Variants in STOX2 observed in about 807,000 individuals in gnomAD.
The protein encoded by STOX2 is storkhead-box protein 2.
STOX2 carries 28 observed loss-of-function variants against 60.9 expected under a neutral mutation model. The observed-to-expected ratio is 0.46, with a 90% CI of 0.34 to 0.63. STOX2 has a LOEUF of 0.63. Ranked by LOEUF, STOX2 falls within the 30% of genes least tolerant of loss-of-function variation. The pLI is 0.01. For missense variants in STOX2, 1,024 were observed against 1,187.7 expected (o/e 0.86, Z 2.03); for synonymous variants, 472 against 463.9 (o/e 1.02, Z -0.22).
intron 1 of STOX2, among the ~76,000 whole-genome samples, chr4:183,918,188 CATT>C (rs1741985521): frequency 6.6e-6 from 1 of 152,148 alleles, no homozygotes; most frequent in Admixed American, 6.5e-5. Context: ...ATTTGGTACT[CATT>C]TATCAGAAAT....
intron 1 of STOX2, among the ~76,000 whole-genome samples, chr4:183,951,111 GAGGCTGAGGC>G (rs1743066693): frequency 6.6e-6 from 1 of 151,114 alleles, no homozygotes; most frequent in African/African-American, 2.4e-5. Context: ...AGCTACTCGG[GAGGCTGAGGC>G]AGGAGAATGG....
At chr4:183,981,819 G>T (rs897573215) in intron 1 of STOX2, among the ~76,000 whole-genome samples, 3 of 152,104 alleles carry the variant, frequency 2.0e-5, no homozygotes, top group Non-Finnish European at 4.4e-5. Context: ...GTCTGTAATC[G>T]CAGCACTTTG....
In STOX2 at chr4:183,856,907, G is replaced by T. The variant is rs146551607; in HGVS notation, c.364+58852G>T. 7.2e-3 allele frequency among the ~76,000 whole-genome samples: 1,094 copies of T among 152,262 alleles called. 11 individuals carry two copies. Among genetic ancestry groups the T allele is most frequent in the African/African-American group, 0.025 (1,043 of 41,540 alleles). ...TTACTTTGGAAAGTCCTGGAGATTT[G>T]GTCTGTGGCATCTGACTGAGGAGAG... On this transcript the variant is annotated intron_variant, in intron 1 of 2. Coordinates refer to the STOX2 transcript ENST00000513034. The surrounding 1 kb of genome is among the most constrained non-coding windows in gnomAD (Gnocchi z 4.0).
chr4:183,865,538 G>T lies in STOX2; in HGVS notation c.364+67483G>T, dbSNP rs1267351132. Among the ~76,000 whole-genome samples, 3 of 152,176 alleles carry T rather than the reference G, an allele frequency of 2.0e-5. No homozygotes were observed. Among genetic ancestry groups the T allele is most frequent in the African/African-American group, 7.2e-5 (3 of 41,440 alleles). On this transcript the variant is annotated intron_variant, in intron 1 of 2. Transcript: ENST00000513034. The surrounding 1 kb of genome is among the most constrained non-coding windows in gnomAD (Gnocchi z 4.1). The stretch of plus-strand genomic sequence containing the variant: ...ATAATACAATTTAATAAAAGACCTT[G>T]TTAGTAGTATCAAAAAGCATTATAG...
intron 1 of STOX2, among the ~76,000 whole-genome samples, chr4:183,835,288 A>G (rs1254258335): frequency 2.7e-5 from 4 of 149,958 alleles, no homozygotes; most frequent in Non-Finnish European, 5.9e-5. Flanking sequence ...GCAGTGGCGC[A>G]ATCTCAGTGC....
intron 1 of STOX2, among the ~76,000 whole-genome samples, chr4:183,857,587 A>G (rs1372780399): frequency 2.0e-5 from 3 of 152,126 alleles, no homozygotes; most frequent in African/African-American, 7.2e-5. Context: ...ACATAACTTA[A>G]AAGATGTTCT....
chr4:183,840,591 T>A (rs1430548867), intron 1 of STOX2, among the ~76,000 whole-genome samples: 1 of 152,240 alleles, frequency 6.6e-6, no homozygotes, highest in Non-Finnish European at 1.5e-5. Flanking sequence ...TGCTGTATTT[T>A]GACTGCATAA....
intron 3 of STOX2, among the ~76,000 whole-genome samples, chr4:184,012,778 C>G (rs911262446): frequency 6.6e-6 from 1 of 152,086 alleles, no homozygotes; most frequent in Non-Finnish European, 1.5e-5. Flanking sequence ...TGGGCCTCAG[C>G]CTGAAAACCA....
Position 183,811,488 on chromosome 4 carries a change from T to C in STOX2, c.364+13433T>C, listed in dbSNP as rs560063060. ...TGTTCCTTTGGGTGACAAGTTTTGG[T>C]TTTTGTCACATGCTTCTCCTGTTTT... On this transcript the variant is annotated intron_variant, in intron 1 of 2. Coordinates refer to the STOX2 transcript ENST00000513034. Among the ~76,000 whole-genome samples, 10 of 152,340 alleles carry C rather than the reference T, an allele frequency of 6.6e-5. No homozygotes were observed. In the South Asian group the frequency reaches 1.5e-3, roughly 22 times the overall value.
intron 1 of STOX2, among the ~76,000 whole-genome samples, chr4:183,871,281 C>T (rs1048193289): frequency 7.9e-5 from 12 of 152,198 alleles, no homozygotes; most frequent in Admixed American, 6.5e-4. Context: ...TCCTTGGCCG[C>T]CCTTCAGAAG....
chr4:183,868,663 AATTTAG>A (rs532643853), intron 1 of STOX2, among the ~76,000 whole-genome samples: 3 of 152,164 alleles, frequency 2.0e-5, no homozygotes, highest in Non-Finnish European at 4.4e-5. Context: ...CGGCTGGAAA[AATTTAG>A]ATGCTCAGTT....
intron 1 of STOX2, among the ~76,000 whole-genome samples, chr4:183,890,373 C>T (rs1198997422): frequency 6.6e-6 from 1 of 151,886 alleles, no homozygotes; most frequent in Non-Finnish European, 1.5e-5. Context: ...GTCCCAGCTA[C>T]CCTGGAGGCC....
intron 1 of STOX2, chr4:183,798,778 C>T: frequency 1.0e-6 from 1 of 985,436 alleles, no homozygotes; most frequent in Non-Finnish European, 1.2e-6. Context: ...AAGGTCGCCG[C>T]CGCGTTTCCA....
chr4:183,854,614 A>G (rs1740242420), intron 1 of STOX2, among the ~76,000 whole-genome samples: 1 of 152,230 alleles, frequency 6.6e-6, no homozygotes, highest in Admixed American at 6.5e-5. Flanking sequence ...TTTACCTAAA[A>G]TGTTTACATA....
rs998326425 is a variant in STOX2 at position 183,906,629 on chromosome 4, A to G, written c.-162A>G. On this transcript the variant is annotated 5_prime_UTR_variant, in exon 1 of 4. Transcript: ENST00000308497. ...CGTGGGGGTGTGGGGGGGCGTGGGG[A>G]GGGCCGGACCCGCCGCTGGCGGTGT... 1 of 690,340 alleles carries G rather than the reference A, an allele frequency of 1.4e-6. No homozygotes were observed. Among genetic ancestry groups the G allele is most frequent in the Non-Finnish European group, 2.3e-6 (1 of 432,098 alleles). 42.8% of individuals were successfully genotyped at this position (690,340 alleles called of 1,614,324 possible). A position where few individuals can be genotyped will look rare whatever the true frequency, so the allele number is the denominator to read the frequency against.
intron 2 of STOX2, among the ~76,000 whole-genome samples, chr4:184,002,755 G>A (rs1733648786): frequency 6.6e-6 from 1 of 152,194 alleles, no homozygotes; most frequent in Non-Finnish European, 1.5e-5. Flanking sequence ...CCCCACACAT[G>A]GGAAGAGAAC....
chr4:183,986,195 A>G (rs1049882416), intron 1 of STOX2, among the ~76,000 whole-genome samples: 6 of 152,268 alleles, frequency 3.9e-5, no homozygotes, highest in Non-Finnish European at 7.3e-5. Context: ...ATGTAGTCAT[A>G]ATTTCTAATA....
At chr4:183,838,771 A>G (rs1488935008) in intron 1 of STOX2, among the ~76,000 whole-genome samples, 1 of 152,186 alleles carries the variant, frequency 6.6e-6, no homozygotes, top group Non-Finnish European at 1.5e-5. Context: ...ACTGTTGAGG[A>G]GAGTGTGCCT....
At chr4:183,951,077 G>C (rs968817837) in intron 1 of STOX2, among the ~76,000 whole-genome samples, 1 of 151,814 alleles carries the variant, frequency 6.6e-6, no homozygotes, top group Non-Finnish European at 1.5e-5. Context: ...TTAGCCGGGC[G>C]TGGTGGCGGG....
Sources: allele counts gnomAD v4.1 joint callset (sites outside exome capture counted in the v4.1 genomes callset), GRCh38; gene constraint gnomAD v4.1.1; non-coding constraint Gnocchi (gnomAD v3.1); transcripts MANE v1.5; gene names NCBI Gene and HGNC (gene_info 2026-07-23, HGNC 2026-07-21).